Variants in IARS1 observed in about 807,000 individuals in gnomAD.
IARS1 encodes the protein isoleucine--tRNA ligase, cytoplasmic.
Under a neutral mutation model 168.2 loss-of-function variants are expected in IARS1, and 124 were observed. The ratio of observed to expected loss-of-function variants is 0.74; its 90% confidence interval spans 0.64 to 0.86. IARS1 has a LOEUF of 0.86. IARS1 is among the 40% of genes least tolerant of loss of function. The probability of loss-of-function intolerance (pLI) is 0.00; values close to 1 mark genes in which losing one functional copy is unlikely to be tolerated. For missense variants in IARS1, 1,452 were observed against 1,515.8 expected, an observed-to-expected ratio of 0.96 and a Z score of 0.70; for synonymous variants, 532 against 529.4, an observed-to-expected ratio of 1.00 and a Z score of -0.07.
chr9:92,235,604 G>A (rs780701621), intron 30 of IARS1, among the ~76,000 whole-genome samples: 12 of 142,612 alleles, frequency 8.4e-5, no homozygotes, highest in African/African-American at 1.6e-4. Context: ...TGCAACCTCT[G>A]CCTCCCAGGT....
At chr9:92,268,090 C>A in intron 14 of IARS1, 84 bp downstream of exon 14, 4 of 1,380,742 alleles carry the variant, frequency 2.9e-6, no homozygotes, top group South Asian at 3.1e-5. Context: ...GAAAAAAACA[C>A]CCTATTCTTT....
At position 92,288,015 on chromosome 9, in the gene IARS1, G is replaced by A. The variant is rs538949615; in HGVS notation, c.277-105C>T. The stretch of plus-strand genomic sequence containing the variant: ...ATCAAACTACAAATATTATAGAAAT[G>A]AACTAGAAGGTCTGACAGTCAACGT... On this transcript the variant is annotated intron_variant, in intron 3 of 33. Transcript: ENST00000443024. The A allele has an allele frequency of 2.0e-5, 30 of 1,521,610 alleles. 1 individual carries two copies. In the East Asian group the frequency reaches 6.4e-4, roughly 32 times the overall value. The allele number at this position is 1,521,610 out of a possible 1,614,324, so 94.3% of individuals were successfully genotyped here.
intron 22 of IARS1, 108 bp from the exon 23 acceptor site, chr9:92,250,942 C>T (rs1004954929): frequency 1.6e-6 from 2 of 1,220,276 alleles, no homozygotes; most frequent in Non-Finnish European, 2.3e-6. Flanking sequence ...CAGTAATAGG[C>T]ACCAAAATGA....
chr9:92,275,143 C>T (rs1313103664), intron 9 of IARS1, among the ~76,000 whole-genome samples: 2 of 152,204 alleles, frequency 1.3e-5, no homozygotes, highest in African/African-American at 2.4e-5. Flanking sequence ...TTCCACAAAC[C>T]CTTGTTTCTG....
intron 14 of IARS1, 99 bp downstream of exon 14, chr9:92,268,075 G>T: frequency 1.6e-6 from 2 of 1,230,804 alleles, no homozygotes; most frequent in Non-Finnish European, 2.2e-6. Context: ...TAAGAAAGGG[G>T]CAAAGAAAAA....
chr9:92,235,238 C>T (rs1027191297), intron 30 of IARS1, among the ~76,000 whole-genome samples: 1 of 152,140 alleles, frequency 6.6e-6, no homozygotes, highest in Non-Finnish European at 1.5e-5. Context: ...TGCCGTGGTC[C>T]ACTGGCTAGA....
intron 14 of IARS1, among the ~76,000 whole-genome samples, chr9:92,267,957 A>G (rs901379559): frequency 7.9e-5 from 12 of 152,214 alleles, no homozygotes; most frequent in African/African-American, 2.9e-4. Flanking sequence ...TTTACAGAGG[A>G]AAGTTTTATA....
intron 6 of IARS1, 26 bp from the exon 7 acceptor site, chr9:92,280,919 G>T (rs976813311): frequency 6.4e-7 from 1 of 1,563,618 alleles, no homozygotes; most frequent in African/African-American, 1.4e-5. Flanking sequence ...GTAAAGTATT[G>T]TTTTAGAAAT....
At chr9:92,292,426 C>G (rs72750469) in intron 1 of IARS1, 4,720 of 154,298 alleles carry the variant, frequency 0.031, 115 homozygotes, top group South Asian at 0.079. Flanking sequence ...CAAGCATAAA[C>G]ACTCAGTATA....
At chr9:92,234,486 C>T (rs1166152736) in intron 30 of IARS1, among the ~76,000 whole-genome samples, 1 of 152,194 alleles carries the variant, frequency 6.6e-6, no homozygotes, top group Non-Finnish European at 1.5e-5. Context: ...GTCTGGTCAA[C>T]TGACCCAGGA....
At chr9:92,281,521 A>T (rs183953908) in intron 6 of IARS1, among the ~76,000 whole-genome samples, 8 of 152,284 alleles carry the variant, frequency 5.3e-5, no homozygotes, top group Admixed American at 3.3e-4. Context: ...GTCCATCAAG[A>T]GTTAGATCAA....
intron 20 of IARS1, 62 bp from the exon 21 acceptor site, chr9:92,253,515 G>T: frequency 9.4e-7 from 1 of 1,062,288 alleles, no homozygotes; most frequent in Non-Finnish European, 1.5e-6. Context: ...GGTGGGGAGA[G>T]GGTTGGATAC....
chr9:92,228,394 G>A (rs890717226), intron 31 of IARS1, among the ~76,000 whole-genome samples: 1 of 151,910 alleles, frequency 6.6e-6, no homozygotes, highest in Non-Finnish European at 1.5e-5. Context: ...GACTTAGTGA[G>A]ATCCAGGCAT....
At chr9:92,218,483 T>C (rs1374829979) in intron 33 of IARS1, among the ~76,000 whole-genome samples, 33 of 104,064 alleles carry the variant, frequency 3.2e-4, no homozygotes, top group African/African-American at 1.1e-3. Context: ...GGAAGTCAAA[T>C]TGTCCCTGTT....
intron 2 of IARS1, 149 bp downstream of exon 2, chr9:92,289,152 A>G: frequency 2.0e-6 from 1 of 492,582 alleles, no homozygotes; most frequent in South Asian, 2.4e-5. Flanking sequence ...GGTAGCAGTG[A>G]GCAGAGATTG....
intron 17 of IARS1, among the ~76,000 whole-genome samples, chr9:92,261,895 T>G (rs970081701): frequency 4.0e-5 from 6 of 151,624 alleles, no homozygotes; most frequent in African/African-American, 1.5e-4. Flanking sequence ...GGGTTACAGG[T>G]GTGTGCCACT....
In IARS1 at chr9:92,270,001, C is replaced by T; in HGVS notation, c.1206-18G>A. The T allele has an allele frequency of 6.6e-7, 1 of 1,525,216 alleles. No individual in the cohort carries two copies. Among genetic ancestry groups the T allele is most frequent in the South Asian group, 1.1e-5 (1 of 89,376 alleles). 94.5% of individuals were successfully genotyped at this position (1,525,216 alleles called of 1,614,324 possible). A position where few individuals can be genotyped will look rare whatever the true frequency, so the allele number is the denominator to read the frequency against. On this transcript the variant is annotated intron_variant, in intron 12 of 33. Transcript: ENST00000443024. ...TGTCTGATCTGGGGAAGCAGAAACACACACATAGCTGCTCAGGCTGAGACT... is the reference window on the plus strand; with the variant it reads ...TGTCTGATCTGGGGAAGCAGAAACATACACATAGCTGCTCAGGCTGAGACT...
rs756067087 is a variant in IARS1 at position 92,250,947 on chromosome 9, A to C, written c.2308-113T>G. On this transcript the variant is annotated intron_variant, in intron 22 of 33. Transcript: ENST00000443024. Reference sequence around the variant, plus strand: ...GAGAATGACACAGTAATAGGCACCAAAATGAGCATGAGGTTACAAAACATG... The same window carrying C: ...GAGAATGACACAGTAATAGGCACCACAATGAGCATGAGGTTACAAAACATG... The C allele has an allele frequency of 9.9e-4, 1,145 of 1,159,950 alleles. 2 individuals are homozygous for C. The highest frequency in any genetic ancestry group is 1.2e-3 in the Non-Finnish European group (963 of 816,420). The allele number at this position is 1,159,950 out of a possible 1,614,324, so 71.9% of individuals were successfully genotyped here.
chr9:92,276,632 C>A (rs1319076563), intron 9 of IARS1, among the ~76,000 whole-genome samples: 1 of 152,190 alleles, frequency 6.6e-6, no homozygotes, highest in Non-Finnish European at 1.5e-5. Flanking sequence ...CCTTAATCAA[C>A]CAGACTCTCC....
Sources: gnomAD v4.1 joint callset for allele counts (sites outside exome capture counted in the v4.1 genomes callset) on GRCh38, gnomAD v4.1.1 for gene constraint, MANE v1.5 for transcripts, NCBI Gene and HGNC (gene_info 2026-07-23, HGNC 2026-07-21) for gene names.